Variants in PDE3A observed in about 807,000 individuals in gnomAD.
PDE3A encodes phosphodiesterase 3A.
In PDE3A, 43 loss-of-function variants were observed where a neutral mutation model predicts 98.3. The ratio of observed to expected loss-of-function variants is 0.44; its 90% CI spans 0.34 to 0.56. The LOEUF (loss-of-function observed/expected upper bound fraction) is 0.56. PDE3A is among the 20% of genes least tolerant of loss of function. The pLI is 0.01. For synonymous variants in PDE3A, 663 were observed against 567.9 expected (o/e 1.17, Z -2.38); for missense variants, 1,427 against 1,440.7 (o/e 0.99, Z 0.15).
At chr12:20,635,449 G>A (rs746655023) in intron 8 of PDE3A, among the ~76,000 whole-genome samples, 9 of 151,960 alleles carry the variant, frequency 5.9e-5, no homozygotes, top group South Asian at 2.1e-4. Context: ...GTGGTGGCAC[G>A]CACCTGTATT....
chr12:20,479,748 G>T (rs1945591281), intron 1 of PDE3A, among the ~76,000 whole-genome samples: 1 of 152,200 alleles, frequency 6.6e-6, no homozygotes. Context: ...TGCAGCTTCA[G>T]TCGCCATTGC....
intron 1 of PDE3A, among the ~76,000 whole-genome samples, chr12:20,446,012 G>A (rs1315689453): frequency 6.6e-6 from 1 of 152,088 alleles, no homozygotes; most frequent in Non-Finnish European, 1.5e-5. Flanking sequence ...CATGACATTT[G>A]GGTGGTTCAA....
intron 2 of PDE3A, among the ~76,000 whole-genome samples, chr12:20,565,461 T>TA (rs905358496): frequency 5.9e-5 from 9 of 151,844 alleles, no homozygotes; most frequent in Admixed American, 2.0e-4. Flanking sequence ...ATAAAACTGA[T>TA]AAAAAAAGAT....
intron 15 of PDE3A, among the ~76,000 whole-genome samples, chr12:20,668,163 T>G (rs531164755): frequency 3.1e-4 from 46 of 148,892 alleles, no homozygotes; most frequent in African/African-American, 1.1e-3. Flanking sequence ...CGGCGCACCA[T>G]GAGATTATAT....
intron 1 of PDE3A, among the ~76,000 whole-genome samples, chr12:20,426,917 T>C (rs765045653): frequency 1.3e-5 from 2 of 152,174 alleles, no homozygotes; most frequent in Non-Finnish European, 2.9e-5. Context: ...ATTAAAATTT[T>C]AGGGCTGTTC....
intron 1 of PDE3A, among the ~76,000 whole-genome samples, chr12:20,490,149 G>T (rs1002818157): frequency 4.6e-5 from 7 of 152,128 alleles, no homozygotes; most frequent in African/African-American, 1.2e-4. Flanking sequence ...AAGAAAGATT[G>T]AGTTTGTATG....
chr12:20,625,149 A>G (rs1282105220), intron 5 of PDE3A, among the ~76,000 whole-genome samples: 2 of 152,234 alleles, frequency 1.3e-5, no homozygotes, highest in Non-Finnish European at 2.9e-5. Context: ...TTAATTTTAA[A>G]TAGCTGAAAC....
At chr12:20,532,065 A>G (rs922348863) in intron 1 of PDE3A, among the ~76,000 whole-genome samples, 5 of 152,184 alleles carry the variant, frequency 3.3e-5, no homozygotes, top group Non-Finnish European at 7.4e-5. Context: ...TGGAGCAGAT[A>G]CATTGAAAAC....
chr12:20,511,417 TACACACACACAC>T (rs71884926), intron 1 of PDE3A, among the ~76,000 whole-genome samples: 2 of 147,890 alleles, frequency 1.4e-5, no homozygotes, highest in African/African-American at 5.0e-5. Flanking sequence ...AGTGCTCAAA[TACACACACACAC>T]ACACACACAC....
intron 2 of PDE3A, among the ~76,000 whole-genome samples, chr12:20,598,980 T>TGTCA (rs1943529114): frequency 6.6e-6 from 1 of 152,234 alleles, no homozygotes; most frequent in African/African-American, 2.4e-5. Flanking sequence ...TCATTTTCCT[T>TGTCA]GTCAGCCATC....
At position 20,407,829 on chromosome 12, in the gene PDE3A, G is replaced by A. The variant is rs182609984; in HGVS notation, c.960+37585G>A. Among the ~76,000 whole-genome samples the A allele has an allele frequency of 4.9e-3, 737 of 151,888 alleles. 8 individuals are homozygous for A. The highest frequency in any genetic ancestry group is 0.014 in the Middle Eastern group (4 of 294). On this transcript the variant is annotated intron_variant, in intron 1 of 15. Transcript: ENST00000359062. ...TTGACTACATGAAGAAAAGCAACTA[G>A]TGTGTAAAAATTAATTTTTTTGTTT...
At chr12:20,488,251 C>G (rs994815468) in intron 1 of PDE3A, among the ~76,000 whole-genome samples, 3 of 151,984 alleles carry the variant, frequency 2.0e-5, no homozygotes, top group African/African-American at 7.2e-5. Context: ...AAAATTAGTC[C>G]TATCCTGATT....
At chr12:20,663,575 G>A (rs1227787148) in intron 15 of PDE3A, among the ~76,000 whole-genome samples, 3 of 152,310 alleles carry the variant, frequency 2.0e-5, no homozygotes, top group African/African-American at 7.2e-5. Flanking sequence ...TAACTTTAAG[G>A]TATAACAACT....
chr12:20,407,265 TA>T (rs1944250125), intron 1 of PDE3A, among the ~76,000 whole-genome samples: 1 of 152,226 alleles, frequency 6.6e-6, no homozygotes, highest in Non-Finnish European at 1.5e-5. Context: ...ATAATTTGCT[TA>T]CAGCATCTGT....
intron 2 of PDE3A, among the ~76,000 whole-genome samples, chr12:20,591,109 C>T (rs1007948459): frequency 6.6e-6 from 1 of 152,224 alleles, no homozygotes; most frequent in African/African-American, 2.4e-5. Context: ...ATAGTCCTTT[C>T]TGGCATATTA....
chr12:20,487,661 A>AT (rs201253921), intron 1 of PDE3A, among the ~76,000 whole-genome samples: 7,811 of 125,790 alleles, frequency 0.062, 351 homozygotes, highest in African/African-American at 0.13. Flanking sequence ...TTAAGAAAAA[A>AT]AAATAAATAA....
At chr12:20,536,109 A>C (rs898193702) in intron 1 of PDE3A, among the ~76,000 whole-genome samples, 1 of 152,150 alleles carries the variant, frequency 6.6e-6, no homozygotes, top group Non-Finnish European at 1.5e-5. Context: ...AATAATTCCA[A>C]AGTCACTATG....
chr12:20,667,977 G>A (rs1200497777), intron 15 of PDE3A, among the ~76,000 whole-genome samples: 3 of 152,124 alleles, frequency 2.0e-5, no homozygotes, highest in African/African-American at 4.8e-5. Flanking sequence ...GTGGGCGCAG[G>A]TCAGTGGGTG....
intron 1 of PDE3A, among the ~76,000 whole-genome samples, chr12:20,392,779 A>G (rs190949300): frequency 1.9e-3 from 292 of 152,170 alleles, no homozygotes; most frequent in African/African-American, 6.3e-3. Context: ...TATAAACACA[A>G]TGGAATACTA....
Sources: gnomAD v4.1 joint callset for allele counts (sites outside exome capture counted in the v4.1 genomes callset) on GRCh38, gnomAD v4.1.1 for gene constraint, MANE v1.5 for transcripts, NCBI Gene and HGNC (gene_info 2026-07-23, HGNC 2026-07-21) for gene names.